The following RGS5 variants were observed in gnomAD, a reference collection of about 807,000 sequenced individuals.
RGS5 encodes regulator of G protein signaling 5, also known as regulator of G-protein signalling 5.
Under a neutral mutation model 18.9 loss-of-function variants are expected in RGS5, and 20 were observed. The observed-to-expected ratio is 1.06, with a 90% CI of 0.74 to 1.54. The LOEUF (loss-of-function observed/expected upper bound fraction) is 1.54, where lower values mean the gene tolerates loss of function less well. Ranked by LOEUF, RGS5 falls within the 40% of genes most tolerant of loss-of-function variation. RGS5 has a pLI of 0.00. For synonymous variants in RGS5, 57 were observed against 76.2 expected (o/e 0.75, Z 1.31); for missense variants, 201 against 211.8 (o/e 0.95, Z 0.32).
chr1:163,239,453 T>C (rs1470745723), intron 2 of RGS5, among the ~76,000 whole-genome samples: 1 of 146,714 alleles, frequency 6.8e-6, no homozygotes, highest in Non-Finnish European at 1.5e-5. Context: ...ACCACTGCAC[T>C]CCAGCCTGGG....
chr1:163,207,636 T>C (rs989833569), upstream of RGS5, among the ~76,000 whole-genome samples: 1 of 152,214 alleles, frequency 6.6e-6, no homozygotes, highest in Non-Finnish European at 1.5e-5. Context: ...TATATTTCCA[T>C]TTTTTAAACA....
intron 1 of RGS5, among the ~76,000 whole-genome samples, chr1:163,177,102 A>G (rs1361516225): frequency 6.6e-6 from 1 of 152,214 alleles, no homozygotes; most frequent in Non-Finnish European, 1.5e-5. Flanking sequence ...TCATTAGATA[A>G]TGGGCTCTCC....
chr1:163,260,368 G>A (rs984337192), intron 2 of RGS5, among the ~76,000 whole-genome samples: 4 of 151,750 alleles, frequency 2.6e-5, no homozygotes, highest in African/African-American at 7.3e-5. Flanking sequence ...TGAAATTATC[G>A]CCAGTGCTTT....
At chr1:163,205,541 T>C (rs1659934966), upstream of RGS5, among the ~76,000 whole-genome samples, 3 of 152,266 alleles carry the variant, frequency 2.0e-5, no homozygotes, top group South Asian at 6.2e-4. Context: ...TTCTGAGTGA[T>C]TTCAACCACT....
chr1:163,231,046 T>C (rs1647467814), intron 2 of RGS5, among the ~76,000 whole-genome samples: 1 of 152,196 alleles, frequency 6.6e-6, no homozygotes, highest in Admixed American at 6.5e-5. Context: ...CAGGCACCAT[T>C]CTCTGGCCAA....
intron 1 of RGS5, among the ~76,000 whole-genome samples, chr1:163,310,343 T>C (rs906324602): frequency 2.0e-5 from 3 of 152,062 alleles, no homozygotes; most frequent in Admixed American, 2.0e-4. Context: ...TCCCAGCACT[T>C]TGGGAGGCCG....
intron 1 of RGS5, among the ~76,000 whole-genome samples, chr1:163,190,399 C>T (rs1478921971): frequency 6.6e-6 from 1 of 152,144 alleles, no homozygotes; most frequent in Admixed American, 6.5e-5. Context: ...CCCATGGTGT[C>T]TTGGTGATAT....
intron 2 of RGS5, among the ~76,000 whole-genome samples, chr1:163,241,997 C>T (rs1194950259): frequency 6.6e-6 from 1 of 152,146 alleles, no homozygotes; most frequent in African/African-American, 2.4e-5. Flanking sequence ...TCTCAAGCAC[C>T]TCAGGCTACT....
upstream of RGS5, among the ~76,000 whole-genome samples, chr1:163,219,954 A>G (rs957076933): frequency 7.2e-5 from 11 of 152,172 alleles, no homozygotes; most frequent in Admixed American, 7.2e-4. Context: ...TTGCTGGGAC[A>G]TGGAGTATAT....
At chr1:163,172,504 A>G (rs1658348354) in intron 1 of RGS5, 1 of 1,535,790 alleles carries the variant, frequency 6.5e-7, no homozygotes, top group Admixed American at 2.0e-5. Context: ...ACTATCATTT[A>G]TAACATTGCC....
intron 2 of RGS5, among the ~76,000 whole-genome samples, chr1:163,254,177 G>T (rs1648201971): frequency 6.7e-6 from 1 of 149,166 alleles, no homozygotes; most frequent in African/African-American, 2.5e-5. Context: ...GTAATGGGAT[G>T]GCTGGGTCAA....
intron 2 of RGS5, among the ~76,000 whole-genome samples, chr1:163,277,557 T>G (rs10799906): frequency 0.63 from 95,818 of 151,966 alleles, 30,664 homozygotes; most frequent in Non-Finnish European, 0.68. Context: ...AGAAAGCTAA[T>G]TGAAAATGTT....
intron 2 of RGS5, among the ~76,000 whole-genome samples, chr1:163,231,306 C>G (rs1647476282): frequency 6.6e-6 from 1 of 152,086 alleles, no homozygotes; most frequent in African/African-American, 2.4e-5. Context: ...ATGAAATAAC[C>G]AGAGCAGTTA....
upstream of RGS5, among the ~76,000 whole-genome samples, chr1:163,204,305 TAA>T (rs775145811): frequency 8.5e-5 from 12 of 141,544 alleles, no homozygotes; most frequent in Non-Finnish European, 1.8e-4. Flanking sequence ...GCTGTGGCTC[TAA>T]ACCACACACA....
At chr1:163,240,289 A>G (rs1424418104) in intron 2 of RGS5, among the ~76,000 whole-genome samples, 1 of 152,164 alleles carries the variant, frequency 6.6e-6, no homozygotes, top group East Asian at 1.9e-4. Context: ...GTTAAAAAAA[A>G]GAATAGACTA....
intron 1 of RGS5, among the ~76,000 whole-genome samples, chr1:163,198,592 A>G (rs1309524422): frequency 6.6e-6 from 1 of 152,138 alleles, no homozygotes; most frequent in Non-Finnish European, 1.5e-5. Flanking sequence ...ATCATAACAT[A>G]AAGCAACCAG....
At position 163,192,872 on chromosome 1, in the gene RGS5, A is replaced by T. The variant is rs114013359; in HGVS notation, c.44+9920T>A. ...GGTCTCACACTCCCATTCACTGGAT[A>T]TCTCTCATAAACTATCACTTAAAAT... On this transcript the variant is annotated intron_variant, in intron 1 of 4. Coordinates refer to ENST00000313961, the MANE Select transcript of RGS5 (RefSeq NM_003617.4). Among the ~76,000 whole-genome samples the T allele has an allele frequency of 9.1e-3, 1,390 of 152,308 alleles. 19 individuals are homozygous for T. The highest frequency in any genetic ancestry group is 0.031 in the African/African-American group (1,307 of 41,554).
At chr1:163,180,910 G>A (rs1320202167) in intron 1 of RGS5, among the ~76,000 whole-genome samples, 1 of 151,794 alleles carries the variant, frequency 6.6e-6, no homozygotes, top group East Asian at 1.9e-4. Flanking sequence ...TAGCGAGGAT[G>A]GTCTCGATAT....
intron 2 of RGS5, among the ~76,000 whole-genome samples, chr1:163,162,467 G>A (rs1657843615): frequency 6.6e-6 from 1 of 152,174 alleles, no homozygotes; most frequent in Non-Finnish European, 1.5e-5. Context: ...AGTGGAAGAT[G>A]TGAGTGTATA....
Sources: allele counts gnomAD v4.1 joint callset (sites outside exome capture counted in the v4.1 genomes callset), GRCh38; gene constraint gnomAD v4.1.1; transcripts MANE v1.5; gene names NCBI Gene and HGNC (gene_info 2026-07-23, HGNC 2026-07-21).